The following NPR3 variants were observed in gnomAD, a reference collection of about 807,000 sequenced individuals.
The protein encoded by NPR3 is natriuretic peptide receptor 3, also known as atrial natriuretic peptide receptor 3.
A neutral mutation model predicts 54.5 loss-of-function variants in NPR3; 34 were observed. The observed-to-expected ratio is 0.62, with a 90% confidence interval of 0.47 to 0.83. NPR3 has a LOEUF of 0.83. Ranked by LOEUF, NPR3 falls within the 40% of genes least tolerant of loss-of-function variation. The probability of loss-of-function intolerance (pLI) is 0.00; values close to 1 mark genes in which losing one functional copy is unlikely to be tolerated. For missense variants in NPR3, 674 were observed against 720.8 expected, an observed-to-expected ratio of 0.94 and a Z score of 0.74; for synonymous variants, 289 against 297.1, an observed-to-expected ratio of 0.97 and a Z score of 0.28.
intron 3 of NPR3, 115 bp downstream of exon 3, chr5:32,739,145 C>T: frequency 1.0e-6 from 1 of 962,616 alleles, no homozygotes; most frequent in Non-Finnish European, 1.5e-6. Context: ...AGGTTCAGGT[C>T]TGAATGTCAC....
At chr5:32,720,973 A>T (rs1738827508) in intron 1 of NPR3, among the ~76,000 whole-genome samples, 1 of 152,230 alleles carries the variant, frequency 6.6e-6, no homozygotes, top group Admixed American at 6.5e-5. Context: ...AGGAAAAGAA[A>T]GTTATTTTAA....
At chr5:32,713,255 G>A in intron 1 of NPR3, 1 of 985,450 alleles carries the variant, frequency 1.0e-6, no homozygotes. Context: ...TTGCGGGAGT[G>A]CCTTTTGAAG....
At chr5:32,759,436 T>G (rs10051693) in intron 3 of NPR3, among the ~76,000 whole-genome samples, 31,505 of 152,056 alleles carry the variant, frequency 0.21, 3,379 homozygotes, top group South Asian at 0.27. Flanking sequence ...CCCCTGCCTT[T>G]TTTTGTTTTT....
intron 1 of NPR3, among the ~76,000 whole-genome samples, chr5:32,717,507 C>G (rs1478954994): frequency 6.6e-6 from 1 of 152,332 alleles, no homozygotes; most frequent in South Asian, 2.1e-4. Flanking sequence ...CACATCCTCT[C>G]CAGCATCTGT....
intron 3 of NPR3, among the ~76,000 whole-genome samples, chr5:32,764,144 T>A (rs1464850169): frequency 6.6e-6 from 1 of 152,210 alleles, no homozygotes; most frequent in Non-Finnish European, 1.5e-5. Flanking sequence ...ACCCTCTTTC[T>A]ACTGGACTCC....
intron 5 of NPR3, among the ~76,000 whole-genome samples, chr5:32,782,288 A>G (rs1742376740): frequency 6.6e-6 from 1 of 152,104 alleles, no homozygotes; most frequent in African/African-American, 2.4e-5. Context: ...TGAACAATTG[A>G]GGGCTGTGAG....
rs981846640 is a variant in NPR3 at position 32,711,321 on chromosome 5, G to A, written c.-456G>A. On this transcript the variant is annotated 5_prime_UTR_variant, in exon 1 of 8. Coordinates refer to ENST00000265074, the MANE Select transcript of NPR3 (RefSeq NM_001204375.2). ...AACGCGGGCTATGGATCCAGGAACC[G>A]GCGCGAATCAATGAGATCAAATGCG... is the stretch of plus-strand genomic sequence containing the variant. 2 of 984,452 alleles carry A rather than the reference G, an allele frequency of 2.0e-6. No individual in the cohort carries two copies. Among genetic ancestry groups the A allele is most frequent in the African/African-American group, 1.8e-5 (1 of 56,710 alleles). 61.0% of individuals were successfully genotyped at this position (984,452 alleles called of 1,614,324 possible). A position where few individuals can be genotyped will look rare whatever the true frequency, so the allele number is the denominator to read the frequency against.
At chr5:32,773,960 A>G (rs1383370224) in intron 3 of NPR3, among the ~76,000 whole-genome samples, 1 of 152,228 alleles carries the variant, frequency 6.6e-6, no homozygotes, top group South Asian at 2.1e-4. Context: ...ACCAGTGTTT[A>G]TGTTTATGAA....
intron 2 of NPR3, among the ~76,000 whole-genome samples, chr5:32,731,630 A>G (rs947893522): frequency 2.0e-5 from 3 of 152,254 alleles, no homozygotes; most frequent in African/African-American, 7.2e-5. Context: ...TATACCTAAT[A>G]CTTAAAAAAT....
Position 32,711,628 on chromosome 5 carries a change from C to G in NPR3, c.-149C>G. Reference sequence around the variant, plus strand: ...AGGACGCTTCCTCTCTATCTTTTGGCGCATTAGTGAAGGGGGTATTCTATT... The same window carrying G: ...AGGACGCTTCCTCTCTATCTTTTGGGGCATTAGTGAAGGGGGTATTCTATT... On this transcript the variant is annotated 5_prime_UTR_variant, in exon 1 of 8. Transcript: ENST00000265074. 1 of 1,252,386 alleles carries G rather than the reference C, an allele frequency of 8.0e-7. No homozygotes were observed. The highest frequency in any genetic ancestry group is 1.0e-6 in the Non-Finnish European group (1 of 1,003,286). 77.6% of individuals were successfully genotyped at this position (1,252,386 alleles called of 1,614,324 possible).
At chr5:32,781,648 T>C (rs1471054369) in intron 5 of NPR3, among the ~76,000 whole-genome samples, 1 of 152,204 alleles carries the variant, frequency 6.6e-6, no homozygotes, top group Non-Finnish European at 1.5e-5. Context: ...GCCTGGCTCT[T>C]GTGGGAAGTT....
intron 1 of NPR3, 131 bp from the exon 2 acceptor site, chr5:32,724,567 A>G: frequency 2.0e-6 from 2 of 1,023,262 alleles, no homozygotes; most frequent in Non-Finnish European, 2.8e-6. Context: ...GTAGTTAACA[A>G]GTGATTGTGA....
At position 32,786,290 on chromosome 5, in the gene NPR3, G is replaced by A; in HGVS notation, c.1571G>A (p.Gly524Glu). 1.3e-6 allele frequency: 2 copies of A among 1,591,892 alleles called. No individual in the cohort carries two copies. Among genetic ancestry groups the A allele is most frequent in the Non-Finnish European group, 1.7e-6 (2 of 1,163,456 alleles). The stretch of plus-strand genomic sequence containing the variant: ...ACCCAGCAAGAAGAAAGTAACCTTG[G>A]AAAACATCGGGAATTACGGGAAGAT... ...RRTQQEESNL[G>E]KHRELREDSI... is the part of the protein sequence containing the mutation. The change falls in exon 8 of 8, where the codon GGA becomes GAA. Residue 524 changes from glycine (G) to glutamate (E), a missense_variant. Physicochemically the swap from Gly to Glu is moderately conservative, Grantham distance 98. Coordinates refer to ENST00000265074, the MANE Select transcript of NPR3 (RefSeq NM_001204375.2).
intron 1 of NPR3, among the ~76,000 whole-genome samples, chr5:32,715,827 C>T (rs1579593327): frequency 6.6e-6 from 1 of 152,248 alleles, no homozygotes; most frequent in East Asian, 1.9e-4. Context: ...GTAGTTTTAT[C>T]CTTTTAGTTA....
At chr5:32,758,699 G>T (rs376957029) in intron 3 of NPR3, among the ~76,000 whole-genome samples, 1 of 152,064 alleles carries the variant, frequency 6.6e-6, no homozygotes, top group Non-Finnish European at 1.5e-5. Context: ...TGATGTTAGG[G>T]TGTCAATTTT....
intron 2 of NPR3, among the ~76,000 whole-genome samples, chr5:32,727,391 A>C (rs1421389064): frequency 6.6e-6 from 1 of 152,118 alleles, no homozygotes; most frequent in Non-Finnish European, 1.5e-5. Flanking sequence ...GCCTCCCAAA[A>C]TCCAAAGGGA....
upstream of NPR3, among the ~76,000 whole-genome samples, chr5:32,704,911 A>G (rs1737945951): frequency 6.6e-6 from 1 of 152,254 alleles, no homozygotes; most frequent in Non-Finnish European, 1.5e-5. Flanking sequence ...CATTAAACAT[A>G]GTCAGTATTG....
chr5:32,745,949 T>C lies in NPR3; in HGVS notation c.1059+6919T>C, dbSNP rs73755320. 2.5e-3 allele frequency among the ~76,000 whole-genome samples: 374 copies of C among 152,216 alleles called. 3 individuals are homozygous for C. Among genetic ancestry groups the C allele is most frequent in the African/African-American group, 8.7e-3 (362 of 41,534 alleles). On this transcript the variant is annotated intron_variant, in intron 3 of 7. Coordinates refer to ENST00000265074, the MANE Select transcript of NPR3 (RefSeq NM_001204375.2). ...GGGTGGGATCCTCACCCCCTAAAAA[T>C]ACTTGAGCAGGTACATAAATATCCA... is the stretch of plus-strand genomic sequence containing the variant.
intron 3 of NPR3, among the ~76,000 whole-genome samples, chr5:32,765,294 T>G (rs1369291837): frequency 6.6e-6 from 1 of 152,188 alleles, no homozygotes; most frequent in Non-Finnish European, 1.5e-5. Flanking sequence ...GCAGCTAAAA[T>G]AGACATATAA....
Sources: gnomAD v4.1 joint callset for allele counts (sites outside exome capture counted in the v4.1 genomes callset) on GRCh38, gnomAD v4.1.1 for gene constraint, MANE v1.5 for transcripts, NCBI Gene and HGNC (gene_info 2026-07-23, HGNC 2026-07-21) for gene names.